Variants in SMAD3 observed in about 807,000 individuals in gnomAD.
The protein encoded by SMAD3 is SMAD family member 3.
In SMAD3, 12 loss-of-function variants were observed where a neutral mutation model predicts 51.8. The observed-to-expected ratio is 0.23, with a 90% confidence interval of 0.15 to 0.38. The LOEUF is 0.38. Ranked by LOEUF, SMAD3 falls within the 10% of genes least tolerant of loss-of-function variation. The pLI, the probability that SMAD3 is intolerant of heterozygous loss-of-function variation, is 1.00. For missense variants in SMAD3, 294 were observed against 565.6 expected, an observed-to-expected ratio of 0.52 and a Z score of 4.87; for synonymous variants, 238 against 227.7, an observed-to-expected ratio of 1.05 and a Z score of -0.41.
intron 1 of SMAD3, among the ~76,000 whole-genome samples, chr15:67,137,241 G>A (rs1961690355): frequency 6.6e-6 from 1 of 152,118 alleles, no homozygotes; most frequent in South Asian, 2.1e-4. Flanking sequence ...TTCCTATTTG[G>A]TTCACAGATA....
chr15:67,177,453 T>C (rs1302712496), intron 5 of SMAD3, among the ~76,000 whole-genome samples: 6 of 109,086 alleles, frequency 5.5e-5, no homozygotes, highest in Middle Eastern at 6.8e-3. Flanking sequence ...GGCAGAGTCT[T>C]GCTCTATCCC....
At chr15:67,104,028 A>G (rs1171861167) in intron 1 of SMAD3, among the ~76,000 whole-genome samples, 11 of 152,182 alleles carry the variant, frequency 7.2e-5, no homozygotes, top group Non-Finnish European at 1.5e-4. Flanking sequence ...CGTAGCCGAG[A>G]AAGTGCACAA....
intron 1 of SMAD3, among the ~76,000 whole-genome samples, chr15:67,134,902 GGTTTAA>G (rs1961618688): frequency 6.6e-6 from 1 of 152,210 alleles, no homozygotes; most frequent in Non-Finnish European, 1.5e-5. Context: ...AGGAATCTGA[GGTTTAA>G]AGAGGCAATG....
rs1477565500 is a variant in SMAD3 at position 67,090,559 on chromosome 15, T to TG, written c.206+24203dup. ...GATGATGTCCACTTCTTGGGGACGA[T>TG]GGGGCAGGGTGGTAAACACTTCTCA... On this transcript the variant is annotated intron_variant, in intron 1 of 8. Coordinates refer to ENST00000327367, the MANE Select transcript of SMAD3 (RefSeq NM_005902.4). Among the ~76,000 whole-genome samples, 3 of 152,136 alleles carry TG rather than the reference T, an allele frequency of 2.0e-5. No individual in the cohort carries two copies. In the East Asian group the frequency reaches 5.8e-4, roughly 29 times the overall value.
At chr15:67,114,101 A>G (rs1271486942) in intron 1 of SMAD3, among the ~76,000 whole-genome samples, 2 of 152,218 alleles carry the variant, frequency 1.3e-5, no homozygotes, top group Non-Finnish European at 1.5e-5. Context: ...AACATTGGGC[A>G]GGTGGGGTTG....
intron 1 of SMAD3, among the ~76,000 whole-genome samples, chr15:67,083,805 A>G (rs544933097): frequency 6.6e-6 from 1 of 152,184 alleles, no homozygotes; most frequent in East Asian, 1.9e-4. Context: ...GATGTTCATG[A>G]TTACTGGAGC....
rs182242274 is a variant in SMAD3 at position 67,191,885 on chromosome 15, G to T, written c.*1349G>T. ...CTATAGCAGTTGTATTGTGTAACAA[G>T]TACTGCTCCCAGCAGCAATTAGGGA... On this transcript the variant is annotated 3_prime_UTR_variant, in exon 9 of 9. Transcript: ENST00000327367. 5.7e-5 allele frequency: 13 copies of T among 228,796 alleles called. 1 individual carries two copies. Among genetic ancestry groups the T allele is most frequent in the Admixed American group, 5.1e-4 (9 of 17,612 alleles). 14.2% of individuals were successfully genotyped at this position (228,796 alleles called of 1,614,324 possible).
chr15:67,087,738 G>A (rs1048365519), intron 1 of SMAD3, among the ~76,000 whole-genome samples: 1 of 152,184 alleles, frequency 6.6e-6, no homozygotes, highest in East Asian at 1.9e-4. Flanking sequence ...ATTTCTTAAG[G>A]TGGTGGGGGA....
chr15:67,082,233 A>T (rs1411555977), intron 1 of SMAD3, among the ~76,000 whole-genome samples: 1 of 152,140 alleles, frequency 6.6e-6, no homozygotes, highest in Non-Finnish European at 1.5e-5. Flanking sequence ...CCAAGGAGAC[A>T]AAAGGACCTG....
rs1269899501 is a variant in SMAD3 at position 67,194,385 on chromosome 15, T to C, written c.*3849T>C. On this transcript the variant is annotated 3_prime_UTR_variant, in exon 9 of 9. Transcript: ENST00000327367. ...TGAAGCATCTCCCATGGGGAGGTGA[T>C]GGTGGGGAGATGATGGGCTAAACAG... 4.3e-6 allele frequency: 1 copy of C among 233,078 alleles called. No individual in the cohort carries two copies. The allele number at this position is 233,078 out of a possible 1,614,324, so 14.4% of individuals were successfully genotyped here. A position where few individuals can be genotyped will look rare whatever the true frequency, so the allele number is the denominator to read the frequency against.
chr15:67,151,127 G>C (rs1294875667), intron 1 of SMAD3, among the ~76,000 whole-genome samples: 1 of 151,818 alleles, frequency 6.6e-6, no homozygotes, highest in African/African-American at 2.4e-5. Flanking sequence ...CCAGAGTGCT[G>C]GGATTACAGA....
chr15:67,168,031 G>A (rs1962638806), intron 4 of SMAD3, among the ~76,000 whole-genome samples: 1 of 152,184 alleles, frequency 6.6e-6, no homozygotes, highest in South Asian at 2.1e-4. Flanking sequence ...TCAGCTTACT[G>A]CAACCTCTGC....
rs753302359 is a variant in SMAD3 at position 67,181,409 on chromosome 15, A to G, written c.827A>G (p.Asn276Ser). The change falls in exon 6 of 9, where the codon AAT becomes AGT. Residue 276 changes from asparagine to serine, a missense_variant. Asn to Ser is a conservative substitution (Grantham distance 46). Transcript: ENST00000327367. ...CGCTTCTGCCTAGGGCTGCTCTCCA[A>G]TGTCAACAGGAATGCAGCAGTGGAG... Reference protein sequence around the residue: ...SERFCLGLLSNVNRNAAVELT... With the variant: ...SERFCLGLLSSVNRNAAVELT... 2 of 1,614,022 alleles carry G rather than the reference A, an allele frequency of 1.2e-6. No homozygotes were observed. The highest frequency in any genetic ancestry group is 1.7e-5 in the Admixed American group (1 of 60,034).
At position 67,066,362 on chromosome 15, in the gene SMAD3, T is replaced by TG; in HGVS notation, c.206+7dup. Reference sequence around the variant, plus strand: ...CACCAAGTGCATCACCATCCCCAGGTGGGGGCCCGCCCGGGGGGGACCCGG... The same window carrying TG: ...CACCAAGTGCATCACCATCCCCAGGTGGGGGGCCCGCCCGGGGGGGACCCGG... On this transcript the variant is annotated splice_region_variant and intron_variant, in intron 1 of 8. Transcript: ENST00000327367. The TG allele has an allele frequency of 6.2e-7, 1 of 1,610,198 alleles. No individual in the cohort carries two copies. Among genetic ancestry groups the TG allele is most frequent in the South Asian group, 1.1e-5 (1 of 90,856 alleles).
Position 67,194,837 on chromosome 15 carries a change from C to A in SMAD3, c.*4301C>A, listed in dbSNP as rs1362038326. The stretch of plus-strand genomic sequence containing the variant: ...CCCACTCCCTTGCTAGGGGTGAAAG[C>A]ATTACAGAGAGATGGAGCCATCTAT... On this transcript the variant is annotated 3_prime_UTR_variant, in exon 9 of 9. Transcript: ENST00000327367. The A allele has an allele frequency of 4.3e-6, 1 of 233,036 alleles. No homozygotes were observed. Among genetic ancestry groups the A allele is most frequent in the African/African-American group, 2.2e-5 (1 of 45,310 alleles). The allele number at this position is 233,036 out of a possible 1,614,324, so 14.4% of individuals were successfully genotyped here.
At chr15:67,083,832 G>T (rs1398937370) in intron 1 of SMAD3, among the ~76,000 whole-genome samples, 2 of 152,170 alleles carry the variant, frequency 1.3e-5, no homozygotes, top group African/African-American at 4.8e-5. Flanking sequence ...GTTCTAAAAA[G>T]TGTTGAATTA....
intron 1 of SMAD3, chr15:67,138,364 A>C (rs1238245489): frequency 6.2e-5 from 27 of 438,102 alleles, no homozygotes; most frequent in African/African-American, 8.2e-5. Context: ...CCCCGGCCCC[A>C]GGATGGAGCT....
intron 1 of SMAD3, among the ~76,000 whole-genome samples, chr15:67,118,738 T>G (rs2140241154): frequency 6.6e-6 from 1 of 152,328 alleles, no homozygotes; most frequent in Middle Eastern, 3.4e-3. Context: ...AAAATGCTGG[T>G]TTCTGAGCTG....
At chr15:67,165,478 G>T in intron 3 of SMAD3, 94 bp downstream of exon 3, 1 of 1,452,024 alleles carries the variant, frequency 6.9e-7, no homozygotes, top group Non-Finnish European at 9.5e-7. Flanking sequence ...CCCCCTGGCC[G>T]TCCCCCGCTC....
Sources: allele counts gnomAD v4.1 joint callset (sites outside exome capture counted in the v4.1 genomes callset), GRCh38; gene constraint gnomAD v4.1.1; transcripts MANE v1.5; gene names NCBI Gene and HGNC (gene_info 2026-07-23, HGNC 2026-07-21).